Variants in DNAH17 observed in about 807,000 individuals in gnomAD.
DNAH17 encodes the protein dynein axonemal heavy chain 17, also known as axonemal beta dynein heavy chain 17.
Under a neutral mutation model 485.6 loss-of-function variants are expected in DNAH17, and 376 were observed. That is an observed-to-expected ratio of 0.77 (90% CI 0.71 to 0.84). DNAH17 has a LOEUF of 0.84. Among genes scored for constraint, DNAH17 ranks in the 40% least tolerant of loss-of-function variants. The pLI is 0.00. For synonymous variants in DNAH17, 3,031 were observed against 2,405.9 expected, an observed-to-expected ratio of 1.26 and a Z score of -7.60; for missense variants, 6,370 against 5,839.3, an observed-to-expected ratio of 1.09 and a Z score of -2.96.
intron 49 of DNAH17, 115 bp from the exon 50 acceptor site, chr17:78,479,747 A>G (rs899296277): frequency 7.0e-7 from 1 of 1,426,062 alleles, no homozygotes; most frequent in South Asian, 1.3e-5. Flanking sequence ...TCTTTTGGGC[A>G]TTGTCAGAAT....
chr17:78,506,787 G>T lies in DNAH17; in HGVS notation c.4736C>A (p.Pro1579His), dbSNP rs1303266533. Residue 1579 changes from proline to histidine, a missense_variant, in exon 30 of 81, where the codon CCC (proline) becomes CAC (histidine). Transcript: ENST00000389840. ...AGCCGAGGAGACAAAATAGAACCGG[G>T]GGAAAGCCAGTCTTTTCGTCTCTAA... ...EYLETKRLAF[P>H]RFYFVSSADL... is the part of the protein sequence containing the mutation. 6.2e-7 allele frequency: 1 copy of T among 1,613,842 alleles called. No individual in the cohort carries two copies. The highest frequency in any genetic ancestry group is 1.3e-5 in the African/African-American group (1 of 74,892).
intron 51 of DNAH17, 188 bp downstream of exon 51, chr17:78,478,837 C>G (rs2049764516): frequency 1.7e-6 from 1 of 580,644 alleles, no homozygotes; most frequent in South Asian, 2.2e-5. Context: ...ACGACCATCA[C>G]CATTACCACC....
At chr17:78,453,078 C>T (rs527527664) in intron 65 of DNAH17, among the ~76,000 whole-genome samples, 3 of 152,320 alleles carry the variant, frequency 2.0e-5, no homozygotes, top group African/African-American at 7.2e-5. Flanking sequence ...AGAATGAAGA[C>T]AGACATCACC....
intron 54 of DNAH17, among the ~76,000 whole-genome samples, chr17:78,469,262 C>T (rs1258194890): frequency 6.6e-6 from 1 of 152,224 alleles, no homozygotes; most frequent in Non-Finnish European, 1.5e-5. Context: ...CTGCCTCAGC[C>T]TCCCGAGTAG....
At position 78,507,513 on chromosome 17, in the gene DNAH17, C is replaced by T. The variant is rs895902100; in HGVS notation, c.4529G>A (p.Arg1510His). The T allele has an allele frequency of 3.1e-5, 50 of 1,613,742 alleles. No individual in the cohort carries two copies. The Middle Eastern group carries it at 5.0e-4, about 16-fold the overall frequency. The change falls in exon 28 of 81, where the codon CGC (arginine) becomes CAC (histidine). Residue 1510 changes from arginine to histidine, a missense_variant. Arg to His is a conservative substitution (Grantham distance 29). Transcript: ENST00000389840. ...CTGGGAGTCCCCCGGGAGCTGGGTG[C>T]GGATGTCTTCGGAGCCGATGAAGAT... ...ESIFIGSEDIRTQLPGDSQRF... is the reference protein window; with the variant it reads ...ESIFIGSEDIHTQLPGDSQRF...
At chr17:78,530,989 CTA>C (rs2091220369) in intron 20 of DNAH17, among the ~76,000 whole-genome samples, 2 of 152,220 alleles carry the variant, frequency 1.3e-5, no homozygotes, top group Non-Finnish European at 2.9e-5. Context: ...TGTGCGTTAA[CTA>C]TGTTTTCTTA....
intron 16 of DNAH17, among the ~76,000 whole-genome samples, chr17:78,547,510 G>A (rs965528085): frequency 9.2e-5 from 14 of 152,006 alleles, no homozygotes; most frequent in African/African-American, 2.9e-4. Context: ...TGTGTCATCT[G>A]GCCTGGAAAT....
At position 78,479,538 on chromosome 17, in the gene DNAH17, G is replaced by T; in HGVS notation, c.7847C>A (p.Ser2616Ter). 6.2e-7 allele frequency: 1 copy of T among 1,613,606 alleles called. No homozygotes were observed. The highest frequency in any genetic ancestry group is 8.5e-7 in the Non-Finnish European group (1 of 1,179,882). The stretch of plus-strand genomic sequence containing the variant: ...TATCCTCTGGATAGCCATGGAGACC[G>T]AGCGGAAGGCCAGGTGCTGCGTCAG... ...TILTQHLAFRSVSMAIQRISS... is the reference protein window; with the variant it reads ...TILTQHLAFR Residue 2616 changes from serine to a stop codon, truncating the protein, a stop_gained, in exon 50 of 81, where the codon TCG (serine) becomes TAG (stop). Coordinates refer to ENST00000389840, the MANE Select transcript of DNAH17 (RefSeq NM_173628.4). LOFTEE classifies it high-confidence loss of function.
chr17:78,480,811 G>C, intron 48 of DNAH17, 25 bp from the exon 49 acceptor site: 1 of 1,569,966 alleles, frequency 6.4e-7, no homozygotes, highest in Non-Finnish European at 8.7e-7. Context: ...CAGCATTCAT[G>C]TTGTGCCCCT....
Position 78,423,956 on chromosome 17 carries a change from T to G in DNAH17, c.13339A>C (p.Lys4447Gln). 6.2e-7 allele frequency: 1 copy of G among 1,613,938 alleles called. No homozygotes were observed. Among genetic ancestry groups the G allele is most frequent in the Non-Finnish European group, 8.5e-7 (1 of 1,179,862 alleles). ...GCTGCCAGGATCCACTTCGCTGCCT[T>G]CTCTTTGGTCTTCAAGTTAAAGGTC... is the stretch of plus-strand genomic sequence containing the variant. ...VWTFNLKTKE[K>Q]AAKWILAAVA... Residue 4447 changes from lysine to glutamine, a missense_variant, in exon 81 of 81, where the codon AAG becomes CAG. Coordinates refer to ENST00000389840, the MANE Select transcript of DNAH17 (RefSeq NM_173628.4).
chr17:78,445,421 G>A, intron 70 of DNAH17, 137 bp downstream of exon 70: 2 of 1,245,208 alleles, frequency 1.6e-6, no homozygotes, highest in East Asian at 2.6e-5. Flanking sequence ...CCATCCCTAT[G>A]TGCGGGGCCT....
At chr17:78,474,725 C>T (rs952019276) in intron 54 of DNAH17, among the ~76,000 whole-genome samples, 8 of 152,088 alleles carry the variant, frequency 5.3e-5, no homozygotes, top group Admixed American at 5.2e-4. Context: ...ACACCCTTCA[C>T]CTCAGTCACA....
intron 44 of DNAH17, among the ~76,000 whole-genome samples, chr17:78,487,772 G>A (rs781131997): frequency 4.7e-4 from 72 of 152,202 alleles, no homozygotes; most frequent in Non-Finnish European, 3.8e-4. Context: ...TGATCTGCCC[G>A]CCTCAGCTTC....
At chr17:78,516,221 T>C (rs1213074315) in intron 25 of DNAH17, among the ~76,000 whole-genome samples, 1 of 152,236 alleles carries the variant, frequency 6.6e-6, no homozygotes, top group Non-Finnish European at 1.5e-5. Context: ...ATAAAATGTC[T>C]TGGCTAGTGT....
intron 62 of DNAH17, among the ~76,000 whole-genome samples, chr17:78,456,053 C>A (rs1187464184): frequency 1.3e-5 from 2 of 152,048 alleles, no homozygotes; most frequent in African/African-American, 4.8e-5. Context: ...AATCCCAGCA[C>A]TTTGGGAGGC....
chr17:78,571,065 AAG>A (rs765085422), intron 5 of DNAH17, 32 bp from the exon 6 acceptor site: 91 of 1,544,654 alleles, frequency 5.9e-5, no homozygotes, highest in Admixed American at 1.2e-4. Context: ...GCCCACCGGT[AAG>A]AGAGCAGAAA....
chr17:78,466,915 T>C (rs113309435), intron 55 of DNAH17, 99 bp from the exon 56 acceptor site: 1 of 1,347,250 alleles, frequency 7.4e-7, no homozygotes, highest in Non-Finnish European at 9.8e-7. Flanking sequence ...CAACGCGCCC[T>C]GCCGGGCTCA....
At chr17:78,516,706 AAAAAAAG>A (rs1461682134) in intron 25 of DNAH17, among the ~76,000 whole-genome samples, 4 of 151,552 alleles carry the variant, frequency 2.6e-5, no homozygotes, top group Admixed American at 2.0e-4. Flanking sequence ...AAAAAAAAAA[AAAAAAAG>A]AGAGAGAGAC....
At position 78,475,380 on chromosome 17, in the gene DNAH17, G is replaced by A. The variant is rs370956598; in HGVS notation, c.8409C>T (p.Gly2803=). 82 of 1,613,826 alleles carry A rather than the reference G, an allele frequency of 5.1e-5. 1 individual carries two copies. In the East Asian group the frequency reaches 7.1e-4, roughly 14 times the overall value. Residue 2803 remains glycine (G), a synonymous_variant, in exon 54 of 81, where the codon GGC becomes GGT. Transcript: ENST00000389840. Reference sequence around the variant, plus strand: ...GGGAGAGGCTCTGTTTGCCACTGCCGCCCACCCCCACCAGCAGGGCATTCC... The same window carrying A: ...GGGAGAGGCTCTGTTTGCCACTGCCACCCACCCCCACCAGCAGGGCATTCC... ...PRGNALLVGV[G]GSGKQSLSRL... is the part of the protein sequence containing the mutation.
Sources: gnomAD v4.1 joint callset for allele counts (sites outside exome capture counted in the v4.1 genomes callset) on GRCh38, gnomAD v4.1.1 for gene constraint, MANE v1.5 for transcripts, NCBI Gene and HGNC (gene_info 2026-07-23, HGNC 2026-07-21) for gene names.